Variants in CDH13 observed in about 807,000 individuals in gnomAD.
CDH13 encodes the protein cadherin-13.
Under a neutral mutation model 63.8 loss-of-function variants are expected in CDH13, and 24 were observed. That is an observed-to-expected ratio of 0.38 (90% CI 0.27 to 0.53). CDH13 has a LOEUF of 0.53. Among genes scored for constraint, CDH13 ranks in the 20% least tolerant of loss-of-function variants. The pLI is 0.85. For synonymous variants in CDH13, 503 were observed against 355.3 expected (o/e 1.42, Z -4.67); for missense variants, 1,049 against 903.1 (o/e 1.16, Z -2.07).
At chr16:82,842,334 G>A (rs750295099) in intron 1 of CDH13, among the ~76,000 whole-genome samples, 9 of 151,426 alleles carry the variant, frequency 5.9e-5, no homozygotes, top group African/African-American at 1.7e-4. Context: ...TAGCTGCACC[G>A]AAGAGACAGT....
chr16:83,378,159 C>T (rs541580861), intron 6 of CDH13, among the ~76,000 whole-genome samples: 11 of 152,300 alleles, frequency 7.2e-5, no homozygotes, highest in African/African-American at 2.6e-4. Context: ...CCAGCCTTTG[C>T]TCTATGGTAG....
At chr16:83,519,236 C>G (rs1017478054) in intron 7 of CDH13, among the ~76,000 whole-genome samples, 3 of 152,160 alleles carry the variant, frequency 2.0e-5, no homozygotes, top group African/African-American at 7.2e-5. Context: ...CTCAGCCTAA[C>G]AAGATGACTT....
chr16:83,772,245 T>G (rs200685203), intron 11 of CDH13, among the ~76,000 whole-genome samples: 1 of 32,550 alleles, frequency 3.1e-5, no homozygotes, highest in Non-Finnish European at 1.1e-4. Context: ...AAATCTATAC[T>G]GGCTAAAGTC....
At chr16:83,139,796 A>G (rs1235219863) in intron 4 of CDH13, among the ~76,000 whole-genome samples, 3 of 152,084 alleles carry the variant, frequency 2.0e-5, no homozygotes, top group Non-Finnish European at 2.9e-5. Context: ...TGAGGTCGGG[A>G]GTTTGAGACC....
intron 5 of CDH13, among the ~76,000 whole-genome samples, chr16:83,293,405 C>T (rs1212156865): frequency 6.6e-6 from 1 of 152,110 alleles, no homozygotes; most frequent in Non-Finnish European, 1.5e-5. Context: ...GGCAGCCTTG[C>T]CACCGGAAGA....
chr16:83,139,608 T>A (rs575430678), intron 4 of CDH13, among the ~76,000 whole-genome samples: 1 of 152,282 alleles, frequency 6.6e-6, no homozygotes, highest in East Asian at 1.9e-4. Context: ...ATGAAATACA[T>A]CTGTTTTTTC....
At chr16:83,065,566 G>A (rs1034703906) in intron 3 of CDH13, among the ~76,000 whole-genome samples, 10 of 152,074 alleles carry the variant, frequency 6.6e-5, no homozygotes, top group South Asian at 2.1e-4. Context: ...TTAGCCAGGT[G>A]TGGTGGTGCA....
intron 5 of CDH13, among the ~76,000 whole-genome samples, chr16:83,291,790 C>T (rs573469876): frequency 2.6e-5 from 4 of 152,220 alleles, no homozygotes; most frequent in East Asian, 3.9e-4. Context: ...CTGAATTATT[C>T]GGGAAAATGC....
At chr16:82,942,053 C>G (rs971353054) in intron 2 of CDH13, among the ~76,000 whole-genome samples, 1 of 152,104 alleles carries the variant, frequency 6.6e-6, no homozygotes, top group East Asian at 1.9e-4. Flanking sequence ...TTAATGAAGG[C>G]TAATTATTTA....
intron 1 of CDH13, among the ~76,000 whole-genome samples, chr16:82,852,494 G>C (rs995997472): frequency 1.4e-4 from 22 of 152,168 alleles, no homozygotes; most frequent in Non-Finnish European, 2.9e-4. Context: ...AGGACATTCA[G>C]GGGCCATGTC....
chr16:82,757,007 C>T (rs563308517), intron 1 of CDH13, among the ~76,000 whole-genome samples: 1 of 152,226 alleles, frequency 6.6e-6, no homozygotes, highest in East Asian at 1.9e-4. Flanking sequence ...TTTCCTTTTC[C>T]TCTTTCTTTG....
intron 5 of CDH13, among the ~76,000 whole-genome samples, chr16:83,270,745 T>C (rs17757350): frequency 0.23 from 35,613 of 152,106 alleles, 4,261 homozygotes; most frequent in Admixed American, 0.25. Context: ...ACGTGTTTTC[T>C]CATGATAAGA....
chr16:83,588,881 G>A (rs1348809069), intron 7 of CDH13, among the ~76,000 whole-genome samples: 3 of 152,236 alleles, frequency 2.0e-5, no homozygotes, highest in Admixed American at 6.5e-5. Context: ...CACGCACCAC[G>A]TGGAGCCAGG....
At position 83,562,717 on chromosome 16, in the gene CDH13, A is replaced by G. The variant is rs116177374; in HGVS notation, c.961-39737A>G. 3.6e-3 allele frequency among the ~76,000 whole-genome samples: 544 copies of G among 152,324 alleles called. 5 individuals carry two copies. Among genetic ancestry groups the G allele is most frequent in the African/African-American group, 0.012 (509 of 41,564 alleles). ...CCACATGGAGGGTTTCTGCCTGTCT[A>G]TTTTGGGTAGAAGATACTTAGAACA... On this transcript the variant is annotated intron_variant, in intron 7 of 13. Transcript: ENST00000567109.
chr16:82,906,588 T>C (rs1273638620), intron 2 of CDH13, among the ~76,000 whole-genome samples: 3 of 152,228 alleles, frequency 2.0e-5, no homozygotes, highest in Admixed American at 1.3e-4. Flanking sequence ...AAATGTCTAG[T>C]GCACATTAGG....
rs114891213 is a variant in CDH13 at position 83,698,207 on chromosome 16, A to G, written c.1538+19746A>G. On this transcript the variant is annotated intron_variant, in intron 10 of 13. Coordinates refer to ENST00000567109, the MANE Select transcript of CDH13 (RefSeq NM_001257.5). ...TACAGGACTGTAGTGTGTCCTGTTC[A>G]GGAGTTAATATTTAATATGTCTTTG... Among the ~76,000 whole-genome samples the G allele has an allele frequency of 8.0e-3, 1,218 of 152,372 alleles. 20 individuals are homozygous for G. The highest frequency in any genetic ancestry group is 0.028 in the African/African-American group (1,156 of 41,586).
chr16:83,424,477 C>A (rs2071825397), intron 6 of CDH13, among the ~76,000 whole-genome samples: 1 of 152,130 alleles, frequency 6.6e-6, no homozygotes, highest in African/African-American at 2.4e-5. Flanking sequence ...TGCCCTTCAT[C>A]CCCCACTTTT....
chr16:82,893,855 T>G (rs1254329657), intron 2 of CDH13, among the ~76,000 whole-genome samples: 1 of 152,182 alleles, frequency 6.6e-6, no homozygotes, highest in Non-Finnish European at 1.5e-5. Context: ...AGCTCCTGAC[T>G]GCATGAACCT....
intron 6 of CDH13, among the ~76,000 whole-genome samples, chr16:83,354,881 C>T (rs983265659): frequency 6.6e-6 from 1 of 152,156 alleles, no homozygotes; most frequent in Non-Finnish European, 1.5e-5. Flanking sequence ...ACACATGTGC[C>T]CCTTCATTCA....
Sources: gnomAD v4.1 joint callset for allele counts (sites outside exome capture counted in the v4.1 genomes callset) on GRCh38, gnomAD v4.1.1 for gene constraint, MANE v1.5 for transcripts, NCBI Gene and HGNC (gene_info 2026-07-23, HGNC 2026-07-21) for gene names.